ZFPM1: variants seen among roughly 807,000 people sequenced by gnomAD.
ZFPM1 encodes zinc finger protein, FOG family member 1, also known as zinc finger protein ZFPM1.
A neutral mutation model predicts 46.3 loss-of-function variants in ZFPM1; 28 were observed. That is an observed-to-expected ratio of 0.60 (90% CI 0.45 to 0.83). The LOEUF (loss-of-function observed/expected upper bound fraction) is 0.83, where lower values mean the gene tolerates loss of function less well. Ranked by LOEUF, ZFPM1 falls within the 40% of genes least tolerant of loss-of-function variation. ZFPM1 has a pLI of 0.00. For missense variants in ZFPM1, 1,878 were observed against 1,432.4 expected (o/e 1.31, Z -5.02); for synonymous variants, 957 against 675.9 (o/e 1.42, Z -6.45).
chr16:88,485,939 G>T lies in ZFPM1; in HGVS notation c.41G>T (p.Arg14Leu), dbSNP rs777872636. 2 of 1,612,728 alleles carry T rather than the reference G, an allele frequency of 1.2e-6. No individual in the cohort carries two copies. The highest frequency in any genetic ancestry group is 2.2e-5 in the East Asian group (1 of 44,876). ...RKQSNPRQIK[R>L]SLGDMEAREE... ...AACCCCCATCGTCTTGTGTCCACAG[G>T]TTCCCTCGGAGACATGGAGGCCAGA... Residue 14 changes from arginine (R) to leucine (L), a missense_variant and splice_region_variant, in exon 2 of 10, where the codon CGT becomes CTT. Transcript: ENST00000319555.
chr16:88,473,845 C>G (rs986646214), intron 1 of ZFPM1, among the ~76,000 whole-genome samples: 1 of 152,188 alleles, frequency 6.6e-6, no homozygotes, highest in Non-Finnish European at 1.5e-5. Flanking sequence ...GTGGTCCTTG[C>G]CCGCCACGGC....
rs1330912722 is a variant in ZFPM1, at chr16:88,485,942, C to T, written c.44C>T (p.Ser15Phe). Reference protein sequence around the residue: ...KQSNPRQIKRSLGDMEAREEV... With the variant: ...KQSNPRQIKRFLGDMEAREEV... The stretch of plus-strand genomic sequence containing the variant: ...CCCCATCGTCTTGTGTCCACAGGTT[C>T]CCTCGGAGACATGGAGGCCAGAGAG... The change falls in exon 2 of 10, where the codon TCC becomes TTC. Residue 15 changes from serine (S) to phenylalanine (F), a missense_variant. Physicochemically the swap from Ser to Phe is radical, Grantham distance 155. Coordinates refer to ENST00000319555, the MANE Select transcript of ZFPM1 (RefSeq NM_153813.3). 20 of 1,612,660 alleles carry T rather than the reference C, an allele frequency of 1.2e-5. No individual in the cohort carries two copies. The highest frequency in any genetic ancestry group is 4.0e-5 in the African/African-American group (3 of 74,936).
chr16:88,530,052 G>A (rs938882835), intron 6 of ZFPM1, among the ~76,000 whole-genome samples: 1 of 152,124 alleles, frequency 6.6e-6, no homozygotes, highest in African/African-American at 2.4e-5. Flanking sequence ...GAGCAAAGGG[G>A]GTCCCCATCT....
At chr16:88,532,315 CACATGCA>C in intron 7 of ZFPM1, 80 bp downstream of exon 7, 1 of 1,314,146 alleles carries the variant, frequency 7.6e-7, no homozygotes, top group Non-Finnish European at 1.0e-6. Flanking sequence ...CGGGAAAACC[CACATGCA>C]AGCACACACG....
chr16:88,480,803 G>A lies in ZFPM1; in HGVS notation c.41-5136G>A, dbSNP rs1017458217. ...GCCCCACCTGGCATGTCCACCCTGGGGCCCACAGTCTGGGGGATGCCCCCC... is the reference window on the plus strand; with the variant it reads ...GCCCCACCTGGCATGTCCACCCTGGAGCCCACAGTCTGGGGGATGCCCCCC... On this transcript the variant is annotated intron_variant, in intron 1 of 9. Coordinates refer to ENST00000319555, the MANE Select transcript of ZFPM1 (RefSeq NM_153813.3). This position sits in a 1 kb window ranked among gnomAD's most constrained non-coding sequence, Gnocchi z 4.9. 1.3e-5 allele frequency among the ~76,000 whole-genome samples: 2 copies of A among 152,176 alleles called. No homozygotes were observed. Among genetic ancestry groups the A allele is most frequent in the Admixed American group, 6.5e-5 (1 of 15,286 alleles).
At chr16:88,510,825 C>T (rs746818732) in intron 3 of ZFPM1, among the ~76,000 whole-genome samples, 3 of 152,244 alleles carry the variant, frequency 2.0e-5, no homozygotes, top group Non-Finnish European at 4.4e-5. Flanking sequence ...GTTGCTTAAC[C>T]TCTCGGATCT....
chr16:88,500,347 A>G (rs922383835), intron 3 of ZFPM1, among the ~76,000 whole-genome samples: 1 of 152,172 alleles, frequency 6.6e-6, no homozygotes, highest in African/African-American at 2.4e-5. Context: ...AGACGGCCAC[A>G]GGGCGCTCTT....
intron 1 of ZFPM1, among the ~76,000 whole-genome samples, chr16:88,467,099 G>A (rs1387568253): frequency 1.3e-5 from 2 of 152,102 alleles, no homozygotes; most frequent in Admixed American, 6.5e-5. Context: ...TTCCGCCAAC[G>A]GCTACAGTGT....
intron 1 of ZFPM1, among the ~76,000 whole-genome samples, chr16:88,465,781 G>A (rs909902130): frequency 1.3e-4 from 20 of 152,340 alleles, no homozygotes; most frequent in African/African-American, 4.3e-4. Flanking sequence ...CCATCGCGGC[G>A]TCTGTCTGGA....
At position 88,471,301 on chromosome 16, in the gene ZFPM1, AG is replaced by A; in HGVS notation, c.41-14635del. On this transcript the variant is annotated intron_variant, in intron 1 of 9. Transcript: ENST00000319555. This position sits in a 1 kb window ranked among gnomAD's most constrained non-coding sequence, Gnocchi z 4.1. ...CACCCTCGCGAAGGCCAGCGGCCGC[AG>A]GGTCTGGCTTGGGCTATAGCATCTA... Among the ~76,000 whole-genome samples, 1 of 152,242 alleles carries A rather than the reference AG, an allele frequency of 6.6e-6. No individual in the cohort carries two copies. The highest frequency in any genetic ancestry group is 1.5e-5 in the Non-Finnish European group (1 of 68,038).
intron 3 of ZFPM1, among the ~76,000 whole-genome samples, chr16:88,505,067 T>C (rs1188385434): frequency 1.3e-5 from 2 of 152,162 alleles, no homozygotes; most frequent in Admixed American, 6.5e-5. Context: ...ATTGCAGCGA[T>C]GTTCCAGGCG....
chr16:88,522,359 C>T (rs917839588), intron 4 of ZFPM1, among the ~76,000 whole-genome samples: 4 of 152,294 alleles, frequency 2.6e-5, no homozygotes, highest in African/African-American at 9.6e-5. Context: ...CGGGCTGGGG[C>T]CTCAGCAGCC....
chr16:88,474,604 G>A (rs189367937), intron 1 of ZFPM1, among the ~76,000 whole-genome samples: 12 of 152,064 alleles, frequency 7.9e-5, no homozygotes, highest in East Asian at 5.8e-4. Flanking sequence ...TGTCTTCAGC[G>A]CTCTCTGCCC....
In ZFPM1 at chr16:88,497,032, G is replaced by A. The variant is rs1049390221; in HGVS notation, c.268+7879G>A. On this transcript the variant is annotated intron_variant, in intron 3 of 9. Coordinates refer to ENST00000319555, the MANE Select transcript of ZFPM1 (RefSeq NM_153813.3). The surrounding 1 kb of genome is among the most constrained non-coding windows in gnomAD (Gnocchi z 5.4). The stretch of plus-strand genomic sequence containing the variant: ...AGCCGCACACACCTGCTCCTGGCTC[G>A]CTCCACCCGTAAGTGCCTCAGGACC... Among the ~76,000 whole-genome samples the A allele has an allele frequency of 5.3e-5, 8 of 152,188 alleles. No homozygotes were observed. Among genetic ancestry groups the A allele is most frequent in the African/African-American group, 9.7e-5 (4 of 41,444 alleles).
In ZFPM1 at chr16:88,533,760, C is replaced by T; in HGVS notation, c.1802C>T (p.Ser601Leu). ...TACGTGCACAAGCGCCTCTACTGTTCAGGCCGCCGTGCGCCCGAGGACGCG... is the reference window on the plus strand; with the variant it reads ...TACGTGCACAAGCGCCTCTACTGTTTAGGCCGCCGTGCGCCCGAGGACGCG... ...NYYVHKRLYC[S>L]GRRAPEDAPA... Residue 601 changes from serine to leucine, a missense_variant, in exon 10 of 10, where the codon TCA (serine) becomes TTA (leucine). Transcript: ENST00000319555. 1 of 1,451,662 alleles carries T rather than the reference C, an allele frequency of 6.9e-7. No individual in the cohort carries two copies. The highest frequency in any genetic ancestry group is 9.1e-7 in the Non-Finnish European group (1 of 1,094,562). 89.9% of individuals were successfully genotyped at this position (1,451,662 alleles called of 1,614,324 possible). A position where few individuals can be genotyped will look rare whatever the true frequency, so the allele number is the denominator to read the frequency against.
intron 3 of ZFPM1, among the ~76,000 whole-genome samples, chr16:88,509,314 C>A (rs1472550472): frequency 6.6e-6 from 1 of 152,246 alleles, no homozygotes; most frequent in African/African-American, 2.4e-5. Flanking sequence ...CCTATGGGAG[C>A]CACAGGGCGG....
chr16:88,516,674 G>A (rs1911319610), intron 4 of ZFPM1: 2 of 398,360 alleles, frequency 5.0e-6, no homozygotes, highest in African/African-American at 2.1e-5. Context: ...ATATTTTTGC[G>A]TCTCAGCGGG....
chr16:88,486,677 A>AGGTACACAGTGGGTGCTG (rs1259050156), intron 2 of ZFPM1, among the ~76,000 whole-genome samples: 1 of 138,240 alleles, frequency 7.2e-6, no homozygotes, highest in East Asian at 2.2e-4. Flanking sequence ...AGTGGGTGCT[A>AGGTACACAGTGGGTGCTG]GGTACACAGT....
In ZFPM1 at chr16:88,526,890, A is replaced by G. The variant is rs1436634560; in HGVS notation, c.479A>G (p.Glu160Gly). 20 of 1,569,780 alleles carry G rather than the reference A, an allele frequency of 1.3e-5. No homozygotes were observed. In the South Asian group the frequency reaches 2.3e-4, roughly 18 times the overall value. The stretch of plus-strand genomic sequence containing the variant: ...CTGCCCCAGGCCCTGACTGAGGCCG[A>G]GGCCAACACAGAGATCCACAGGAAG... ...RTLPQALTEA[E>G]ANTEIHRKDD... The change falls in exon 5 of 10, where the codon GAG becomes GGG. Residue 160 changes from glutamate to glycine, a missense_variant. By Grantham distance (98) the Glu-to-Gly change is moderately conservative. Coordinates refer to ENST00000319555, the MANE Select transcript of ZFPM1 (RefSeq NM_153813.3).
Sources: gnomAD v4.1 joint callset for allele counts (sites outside exome capture counted in the v4.1 genomes callset) on GRCh38, gnomAD v4.1.1 for gene constraint, Gnocchi (gnomAD v3.1) non-coding constraint, MANE v1.5 for transcripts, NCBI Gene and HGNC (gene_info 2026-07-23, HGNC 2026-07-21) for gene names.